Variants in TECRL observed in about 807,000 individuals in gnomAD.
The protein encoded by TECRL is trans-2,3-enoyl-CoA reductase like.
TECRL carries 63 observed loss-of-function variants against 52.8 expected under a neutral mutation model. The ratio of observed to expected loss-of-function variants is 1.19; its 90% CI spans 0.97 to 1.47. The LOEUF is 1.47. TECRL is among the 40% of genes most tolerant of loss of function. The pLI, the probability that TECRL is intolerant of heterozygous loss-of-function variation, is 0.00. For missense variants in TECRL, 482 were observed against 429.6 expected, an observed-to-expected ratio of 1.12 and a Z score of -1.08; for synonymous variants, 164 against 141.9, an observed-to-expected ratio of 1.16 and a Z score of -1.10.
intron 8 of TECRL, among the ~76,000 whole-genome samples, chr4:64,292,334 TA>T (rs1441222064): frequency 6.6e-6 from 1 of 152,016 alleles, no homozygotes; most frequent in South Asian, 2.1e-4. Context: ...AGTTTGATTT[TA>T]CATTATTAAA....
chr4:64,379,692 T>C (rs1442467455), intron 1 of TECRL, among the ~76,000 whole-genome samples: 1 of 152,142 alleles, frequency 6.6e-6, no homozygotes, highest in African/African-American at 2.4e-5. Context: ...AGATTAACTT[T>C]TTAAAGTGTT....
At chr4:64,398,860 A>G (rs964417517) in intron 1 of TECRL, among the ~76,000 whole-genome samples, 6 of 152,178 alleles carry the variant, frequency 3.9e-5, no homozygotes, top group African/African-American at 1.4e-4. Flanking sequence ...TGATACGGAC[A>G]GTGAATTCTA....
chr4:64,336,486 G>T (rs534290420), intron 2 of TECRL, among the ~76,000 whole-genome samples: 24 of 152,212 alleles, frequency 1.6e-4, no homozygotes, highest in South Asian at 1.0e-3. Context: ...TTTTTGAAGG[G>T]TTTTTTGTGT....
At chr4:64,381,960 A>G (rs1722823180) in intron 1 of TECRL, among the ~76,000 whole-genome samples, 1 of 151,830 alleles carries the variant, frequency 6.6e-6, no homozygotes, top group Non-Finnish European at 1.5e-5. Context: ...ATGGAATGTT[A>G]TGAAGAATTC....
At chr4:64,375,759 A>C (rs1029609823) in intron 1 of TECRL, among the ~76,000 whole-genome samples, 3 of 151,850 alleles carry the variant, frequency 2.0e-5, no homozygotes, top group Non-Finnish European at 4.4e-5. Flanking sequence ...TATTTTTTGG[A>C]TTCCTTAAGT....
intron 2 of TECRL, among the ~76,000 whole-genome samples, chr4:64,359,240 A>C (rs1279511824): frequency 6.6e-6 from 1 of 151,912 alleles, no homozygotes; most frequent in Non-Finnish European, 1.5e-5. Flanking sequence ...CTTTGATTAT[A>C]GTAACAATAT....
chr4:64,363,985 A>G (rs1721406615), intron 2 of TECRL, among the ~76,000 whole-genome samples: 1 of 152,096 alleles, frequency 6.6e-6, no homozygotes, highest in African/African-American at 2.4e-5. Context: ...CACCACACGT[A>G]ATCTAAGATC....
chr4:64,291,640 T>G (rs996701910), intron 8 of TECRL, among the ~76,000 whole-genome samples: 1 of 151,950 alleles, frequency 6.6e-6, no homozygotes, highest in Non-Finnish European at 1.5e-5. Context: ...TCCTGCTTAT[T>G]TATCACAACA....
chr4:64,314,884 A>C, intron 4 of TECRL, 121 bp from the exon 5 acceptor site: 1 of 690,670 alleles, frequency 1.4e-6, no homozygotes, highest in South Asian at 1.7e-5. Context: ...TTGTAACTAG[A>C]TTAAGTGATA....
At chr4:64,304,554 CATTG>C (rs1724215766) in intron 7 of TECRL, among the ~76,000 whole-genome samples, 1 of 151,966 alleles carries the variant, frequency 6.6e-6, no homozygotes. Flanking sequence ...TTGAGCTTTA[CATTG>C]TGTGCCTTAT....
At chr4:64,288,658 A>G (rs946002324) in intron 9 of TECRL, among the ~76,000 whole-genome samples, 4 of 152,076 alleles carry the variant, frequency 2.6e-5, no homozygotes, top group Non-Finnish European at 5.9e-5. Context: ...GCACTTCCCA[A>G]AGCCAAACTT....
chr4:64,337,854 G>T (rs1465959513), intron 2 of TECRL, among the ~76,000 whole-genome samples: 1 of 152,090 alleles, frequency 6.6e-6, no homozygotes, highest in East Asian at 1.9e-4. Flanking sequence ...TGGCCATACT[G>T]CCCAAGGTCA....
intron 2 of TECRL, among the ~76,000 whole-genome samples, chr4:64,372,845 T>A (rs994326537): frequency 6.6e-6 from 1 of 151,510 alleles, no homozygotes; most frequent in African/African-American, 2.4e-5. Context: ...TGTCAAAAAG[T>A]AAAGTTTTTT....
intron 2 of TECRL, among the ~76,000 whole-genome samples, chr4:64,345,045 A>C (rs1560515869): frequency 6.6e-6 from 1 of 152,206 alleles, no homozygotes; most frequent in African/African-American, 2.4e-5. Context: ...ATCATTAAAA[A>C]GTCAGGAAAC....
At chr4:64,354,384 A>G (rs1004253603) in intron 2 of TECRL, among the ~76,000 whole-genome samples, 1 of 152,202 alleles carries the variant, frequency 6.6e-6, no homozygotes, top group Non-Finnish European at 1.5e-5. Flanking sequence ...GGTAAGTAAT[A>G]TAAGAGAGGA....
In TECRL at chr4:64,409,330, G is replaced by A. The variant is rs762237226; in HGVS notation, c.22C>T (p.Leu8Phe). The change falls in exon 1 of 12, where the codon CTC (leucine) becomes TTC (phenylalanine). Residue 8 changes from leucine (L) to phenylalanine (F), a missense_variant. Physicochemically the swap from Leu to Phe is conservative, Grantham distance 22. Coordinates refer to ENST00000381210, the MANE Select transcript of TECRL (RefSeq NM_001010874.5). ...AATGCTCTCTTGCGTTCCGAAGCGA[G>A]GGACTTGTGCCTTTTGAACATTGTG... is the stretch of plus-strand genomic sequence containing the variant. The part of the protein sequence containing the change: MFKRHKS[L>F]ASERKRALLS... 1.2e-6 allele frequency: 2 copies of A among 1,613,568 alleles called. No individual in the cohort carries two copies. The highest frequency in any genetic ancestry group is 1.7e-5 in the Admixed American group (1 of 59,972).
intron 1 of TECRL, among the ~76,000 whole-genome samples, chr4:64,404,220 CA>C (rs74418503): frequency 0.036 from 4,115 of 115,858 alleles, 143 homozygotes; most frequent in African/African-American, 0.097. Flanking sequence ...AGAGTTTTAC[CA>C]AAAAAAAAAA....
chr4:64,399,593 G>A (rs1173682632), intron 1 of TECRL, among the ~76,000 whole-genome samples: 2 of 152,140 alleles, frequency 1.3e-5, no homozygotes, highest in Non-Finnish European at 2.9e-5. Flanking sequence ...CCTGGGCCAG[G>A]TTTTGAGCCC....
intron 8 of TECRL, among the ~76,000 whole-genome samples, chr4:64,296,357 T>C (rs1351623541): frequency 6.6e-6 from 1 of 151,878 alleles, no homozygotes; most frequent in Non-Finnish European, 1.5e-5. Flanking sequence ...GAGGTATACC[T>C]ACTTGATAAA....
Sources: gnomAD v4.1 joint callset for allele counts (sites outside exome capture counted in the v4.1 genomes callset) on GRCh38, gnomAD v4.1.1 for gene constraint, MANE v1.5 for transcripts, NCBI Gene and HGNC (gene_info 2026-07-23, HGNC 2026-07-21) for gene names.